Variants in TARP observed in about 807,000 individuals in gnomAD.
At chr7:38,273,334 C>CAG in the TARP span, among the ~76,000 whole-genome samples, 1 of 149,892 alleles carries the variant, frequency 6.7e-6, no homozygotes, top group Admixed American at 6.7e-5. Context: ...AAACTTTCAA[C>CAG]AGAGAGATAC....
the TARP span, among the ~76,000 whole-genome samples, chr7:38,266,852 G>A: frequency 3.3e-5 from 5 of 151,580 alleles, no homozygotes; most frequent in African/African-American, 1.2e-4. Context: ...AAACAAAATG[G>A]CAACTTTCCA....
the TARP span, among the ~76,000 whole-genome samples, chr7:38,272,496 T>C: frequency 1.4e-5 from 2 of 141,296 alleles, no homozygotes; most frequent in Non-Finnish European, 3.0e-5. Context: ...TATTATTGTG[T>C]ATCTAGTATG....
chr7:38,262,969 T>C, the TARP span, among the ~76,000 whole-genome samples: 1 of 151,600 alleles, frequency 6.6e-6, no homozygotes, highest in Non-Finnish European at 1.5e-5. Context: ...AAGAATTCTT[T>C]CAGTCCTTGA....
At chr7:38,264,957 G>C in the TARP span, among the ~76,000 whole-genome samples, 1 of 151,386 alleles carries the variant, frequency 6.6e-6, no homozygotes, top group South Asian at 2.1e-4. Context: ...GAACATTCCT[G>C]AAAGACATAT....
the TARP span, among the ~76,000 whole-genome samples, chr7:38,264,906 T>C: frequency 1.3e-5 from 2 of 151,732 alleles, no homozygotes; most frequent in Admixed American, 6.6e-5. Flanking sequence ...TTAAACTTTG[T>C]GGGTAGCAAG....
the TARP span, among the ~76,000 whole-genome samples, chr7:38,267,568 A>G: frequency 1.9e-4 from 28 of 150,952 alleles, no homozygotes; most frequent in East Asian, 3.9e-3. Context: ...GTAAACATAT[A>G]CAGAAATATT....
the TARP span, among the ~76,000 whole-genome samples, chr7:38,271,143 C>G: frequency 6.6e-6 from 1 of 151,016 alleles, no homozygotes; most frequent in Non-Finnish European, 1.5e-5. Flanking sequence ...TAATTTAGGT[C>G]TTCTCAAATA....
the TARP span, chr7:38,273,542 G>T: frequency 3.5e-6 from 5 of 1,447,522 alleles, no homozygotes; most frequent in East Asian, 6.8e-5. Context: ...CTGCCTGCCA[G>T]CCTCCCATCC....
the TARP span, among the ~76,000 whole-genome samples, chr7:38,271,130 T>G: frequency 6.6e-6 from 1 of 151,414 alleles, no homozygotes; most frequent in Non-Finnish European, 1.5e-5. Context: ...TGCTTGTATA[T>G]TTTAATTTAG....
the TARP span, chr7:38,262,267 T>C: frequency 2.2e-6 from 3 of 1,357,070 alleles, no homozygotes; most frequent in East Asian, 6.9e-5. Flanking sequence ...TGTGTGTGTG[T>C]AATTAAATGA....
chr7:38,273,626 T>A, the TARP span: 1 of 1,597,758 alleles, frequency 6.3e-7, no homozygotes, highest in East Asian at 2.2e-5. Context: ...AATACCTTGA[T>A]TTTTTTGCCC....
At chr7:38,267,703 A>G in the TARP span, among the ~76,000 whole-genome samples, 1 of 150,874 alleles carries the variant, frequency 6.6e-6, no homozygotes, top group Non-Finnish European at 1.5e-5. Flanking sequence ...TTTCTCCACC[A>G]TATAGTTTGC....
chr7:38,262,339 A>C, the TARP span: 1 of 739,098 alleles, frequency 1.4e-6, no homozygotes, highest in East Asian at 2.5e-5. Flanking sequence ...TGAGCCCACA[A>C]TTCCAGAAAC....
chr7:38,265,686 G>C, the TARP span: 1 of 1,560,392 alleles, frequency 6.4e-7, no homozygotes, highest in Non-Finnish European at 8.7e-7. Context: ...TATCTATGGG[G>C]AGAAATGAAA....
At chr7:38,267,988 T>C in the TARP span, among the ~76,000 whole-genome samples, 1 of 151,446 alleles carries the variant, frequency 6.6e-6, no homozygotes, top group African/African-American at 2.4e-5. Context: ...CAGGACAAAA[T>C]GAATCTGGAA....
chr7:38,272,985 T>G, the TARP span, among the ~76,000 whole-genome samples: 1 of 151,476 alleles, frequency 6.6e-6, no homozygotes, highest in Non-Finnish European at 1.5e-5. Flanking sequence ...CTGAAAACTT[T>G]CATTTCAGTG....
the TARP span, among the ~76,000 whole-genome samples, chr7:38,271,840 C>T: frequency 6.7e-6 from 1 of 149,608 alleles, no homozygotes; most frequent in South Asian, 2.1e-4. Flanking sequence ...AATATAAGGG[C>T]AAAAAAGGCA....
At chr7:38,268,702 C>T in the TARP span, among the ~76,000 whole-genome samples, 1 of 151,604 alleles carries the variant, frequency 6.6e-6, no homozygotes, top group Non-Finnish European at 1.5e-5. Flanking sequence ...GTTTTTGCCA[C>T]GTGATTAAAA....
the TARP span, among the ~76,000 whole-genome samples, chr7:38,264,704 A>G: frequency 6.6e-6 from 1 of 151,520 alleles, no homozygotes; most frequent in Non-Finnish European, 1.5e-5. Flanking sequence ...TATACTTTTT[A>G]TTTTGCCCTG....
Sources: gnomAD v4.1 joint callset for allele counts (sites outside exome capture counted in the v4.1 genomes callset) on GRCh38, gnomAD v4.1.1 for gene constraint, MANE v1.5 for transcripts.